Variants in NEDD4L observed in about 807,000 individuals in gnomAD.
NEDD4L encodes E3 ubiquitin-protein ligase NEDD4-like.
NEDD4L carries 54 observed loss-of-function variants against 148.9 expected under a neutral mutation model. That is an observed-to-expected ratio of 0.36 (90% CI 0.29 to 0.45). NEDD4L has a LOEUF of 0.45. NEDD4L is among the 20% of genes least tolerant of loss of function. The pLI, the probability that NEDD4L is intolerant of heterozygous loss-of-function variation, is 1.00. For missense variants in NEDD4L, 856 were observed against 1,233.8 expected (o/e 0.69, Z 4.59); for synonymous variants, 433 against 440.7 (o/e 0.98, Z 0.22).
At chr18:58,231,257 AAAAG>A (rs1397593094) in intron 2 of NEDD4L, among the ~76,000 whole-genome samples, 2 of 148,656 alleles carry the variant, frequency 1.3e-5, no homozygotes, top group Admixed American at 6.7e-5. Context: ...AAAAAAAAAA[AAAAG>A]AACAGAAAAG....
intron 20 of NEDD4L, 100 bp downstream of exon 20, chr18:58,364,433 G>A: frequency 5.8e-6 from 4 of 686,412 alleles, no homozygotes. Context: ...TTATATGAAT[G>A]CTAAAAATAT....
chr18:58,243,627 C>G (rs1300616035), intron 2 of NEDD4L, among the ~76,000 whole-genome samples: 1 of 152,174 alleles, frequency 6.6e-6, no homozygotes, highest in African/African-American at 2.4e-5. Context: ...CCTGATTCAT[C>G]TGCCAGCCCA....
chr18:58,280,039 G>C (rs1182579955), intron 5 of NEDD4L, among the ~76,000 whole-genome samples: 6 of 152,136 alleles, frequency 3.9e-5, no homozygotes, highest in African/African-American at 1.4e-4. Context: ...CAGTGTGCTA[G>C]TAGGTGCTGT....
intron 2 of NEDD4L, among the ~76,000 whole-genome samples, chr18:58,180,655 C>T (rs1253028807): frequency 6.6e-6 from 1 of 152,220 alleles, no homozygotes; most frequent in Non-Finnish European, 1.5e-5. Flanking sequence ...TTAATTTTCT[C>T]ATTTATTTTA....
At chr18:58,082,968 T>A (rs1475701783) in intron 1 of NEDD4L, among the ~76,000 whole-genome samples, 1 of 152,132 alleles carries the variant, frequency 6.6e-6, no homozygotes, top group East Asian at 1.9e-4. Context: ...TTTTTAAATG[T>A]CCCTTCCTAT....
At chr18:58,172,630 C>T (rs6566944) in intron 2 of NEDD4L, among the ~76,000 whole-genome samples, 37,348 of 152,066 alleles carry the variant, frequency 0.25, 5,350 homozygotes, top group East Asian at 0.43. Context: ...AACCTCTTAA[C>T]AGAAGTTAGT....
intron 9 of NEDD4L, 52 bp from the exon 10 acceptor site, chr18:58,328,943 C>G (rs1355530474): frequency 9.3e-6 from 15 of 1,609,862 alleles, no homozygotes; most frequent in Non-Finnish European, 1.2e-5. Flanking sequence ...TCATGAAGGG[C>G]CCGATCTCAA....
At position 58,367,758 on chromosome 18, in the gene NEDD4L, C is replaced by T; in HGVS notation, c.2076C>T (p.Thr692=). The change falls in exon 22 of 31, where the codon ACC becomes ACT. Residue 692 remains threonine, a synonymous_variant. Coordinates refer to ENST00000400345, the MANE Select transcript of NEDD4L (RefSeq NM_001144967.3). The stretch of plus-strand genomic sequence containing the variant: ...TTCTCCTCAAAAGGGACAACTACAC[C>T]CTTCAGATCAACCCTAATTCAGGCC... ...LFEYSATDNY[T]LQINPNSGLC... 6.2e-7 allele frequency: 1 copy of T among 1,613,864 alleles called. No individual in the cohort carries two copies. Among genetic ancestry groups the T allele is most frequent in the Non-Finnish European group, 8.5e-7 (1 of 1,179,810 alleles).
rs181587460 is a variant in NEDD4L, at chr18:58,355,197, C to T, written c.1709-1997C>T. The stretch of plus-strand genomic sequence containing the variant: ...TGGGGGGTGAGACAATTCCCAGTGA[C>T]GCCCAGAGAACAGTTCAGGGAAAAA... On this transcript the variant is annotated intron_variant, in intron 18 of 30. Coordinates refer to ENST00000400345, the MANE Select transcript of NEDD4L (RefSeq NM_001144967.3). Among the ~76,000 whole-genome samples, 202 of 152,186 alleles carry T rather than the reference C, an allele frequency of 1.3e-3. 1 individual carries two copies. Among genetic ancestry groups the T allele is most frequent in the Admixed American group, 7.8e-3 (120 of 15,290 alleles).
chr18:58,114,353 T>C (rs2085627639), intron 1 of NEDD4L, among the ~76,000 whole-genome samples: 1 of 148,942 alleles, frequency 6.7e-6, no homozygotes, highest in Non-Finnish European at 1.5e-5. Flanking sequence ...AAAAAATATA[T>C]ATATATATAC....
rs567273746 is a variant in NEDD4L, at chr18:58,045,027, G to A, written c.48+319G>A. On this transcript the variant is annotated intron_variant, in intron 1 of 30. Transcript: ENST00000400345. The stretch of plus-strand genomic sequence containing the variant: ...TCTTCCCTCTTCCTCTCCAAGCAGC[G>A]TCTCCCGGGGCTGTTGGGCAACTTT... 3.9e-4 allele frequency: 161 copies of A among 410,200 alleles called. 1 individual carries two copies. The highest frequency in any genetic ancestry group is 2.7e-3 in the African/African-American group (132 of 48,820). The allele number at this position is 410,200 out of a possible 1,614,324, so 25.4% of individuals were successfully genotyped here.
chr18:58,319,629 G>C (rs1436830109), intron 6 of NEDD4L, among the ~76,000 whole-genome samples: 1 of 152,188 alleles, frequency 6.6e-6, no homozygotes, highest in Non-Finnish European at 1.5e-5. Flanking sequence ...ATCCTGGGAG[G>C]CTCCACTCAG....
chr18:58,098,007 C>T (rs943712582), intron 1 of NEDD4L, among the ~76,000 whole-genome samples: 12 of 152,112 alleles, frequency 7.9e-5, no homozygotes, highest in South Asian at 4.1e-4. Context: ...GCAGCCTGCG[C>T]GACAGAGTGA....
intron 2 of NEDD4L, among the ~76,000 whole-genome samples, chr18:58,236,765 T>C (rs1174703645): frequency 6.6e-6 from 1 of 152,244 alleles, no homozygotes; most frequent in East Asian, 1.9e-4. Flanking sequence ...GGCTCACGCC[T>C]GTAATCCCAG....
chr18:58,219,182 T>C (rs956215349), intron 2 of NEDD4L, among the ~76,000 whole-genome samples: 1 of 151,976 alleles, frequency 6.6e-6, no homozygotes, highest in Non-Finnish European at 1.5e-5. Context: ...GGCAGGGAGG[T>C]GGATGTACAC....
intron 1 of NEDD4L, among the ~76,000 whole-genome samples, chr18:58,111,921 C>G (rs548964491): frequency 1.1e-3 from 167 of 152,300 alleles, no homozygotes; most frequent in African/African-American, 2.7e-3. Flanking sequence ...TCTGAGGGTT[C>G]CAGTGTATCT....
At chr18:58,099,179 CA>C (rs2084606044) in intron 1 of NEDD4L, among the ~76,000 whole-genome samples, 2 of 151,798 alleles carry the variant, frequency 1.3e-5, no homozygotes, top group Non-Finnish European at 2.9e-5. Flanking sequence ...CCTTATACCC[CA>C]GTGTCCTTTT....
intron 1 of NEDD4L, among the ~76,000 whole-genome samples, chr18:58,135,648 A>C (rs1011299944): frequency 1.3e-5 from 2 of 152,258 alleles, no homozygotes; most frequent in African/African-American, 4.8e-5. Flanking sequence ...ACTTCTTTCT[A>C]GTAAATTCCC....
At chr18:58,080,168 T>C (rs2083360516) in intron 1 of NEDD4L, among the ~76,000 whole-genome samples, 1 of 152,214 alleles carries the variant, frequency 6.6e-6, no homozygotes, top group Non-Finnish European at 1.5e-5. Context: ...CAAGCAGTCC[T>C]CCACCACAGC....
Sources: gnomAD v4.1 joint callset for allele counts (sites outside exome capture counted in the v4.1 genomes callset) on GRCh38, gnomAD v4.1.1 for gene constraint, MANE v1.5 for transcripts, NCBI Gene and HGNC (gene_info 2026-07-23, HGNC 2026-07-21) for gene names.